The following CD109 variants were observed in gnomAD, a reference collection of about 807,000 sequenced individuals.
CD109 encodes the protein CD109 molecule.
CD109 carries 149 observed loss-of-function variants against 165.8 expected under a neutral mutation model. The observed-to-expected ratio is 0.90, with a 90% CI of 0.79 to 1.03. CD109 has a LOEUF of 1.03. Ranked by LOEUF, CD109 falls within the 50% of genes least tolerant of loss-of-function variation. CD109 has a pLI of 0.00. For missense variants in CD109, 1,712 were observed against 1,677.8 expected, an observed-to-expected ratio of 1.02 and a Z score of -0.36; for synonymous variants, 585 against 592.1, an observed-to-expected ratio of 0.99 and a Z score of 0.18.
chr6:73,759,806 G>C (rs553856990), intron 7 of CD109, among the ~76,000 whole-genome samples: 1 of 152,088 alleles, frequency 6.6e-6, no homozygotes, highest in South Asian at 2.1e-4. Context: ...GAAGACTCTT[G>C]AATGAGTGAA....
At chr6:73,758,455 G>A (rs1261968206) in intron 6 of CD109, among the ~76,000 whole-genome samples, 2 of 151,974 alleles carry the variant, frequency 1.3e-5, no homozygotes, top group Non-Finnish European at 2.9e-5. Context: ...GCATGATCTC[G>A]GGTCACTGCA....
At chr6:73,753,584 C>G (rs1020570047) in intron 5 of CD109, among the ~76,000 whole-genome samples, 4 of 152,204 alleles carry the variant, frequency 2.6e-5, no homozygotes, top group African/African-American at 9.6e-5. Flanking sequence ...AGAAAGCATA[C>G]TGTCAGCACC....
intron 5 of CD109, among the ~76,000 whole-genome samples, chr6:73,738,206 T>C (rs1355656925): frequency 6.6e-6 from 1 of 152,230 alleles, no homozygotes. Context: ...ACTGATGTTT[T>C]GGGGCCAGCT....
chr6:73,756,035 C>G (rs1287820611), intron 5 of CD109, among the ~76,000 whole-genome samples: 2 of 151,960 alleles, frequency 1.3e-5, no homozygotes, highest in Non-Finnish European at 2.9e-5. Flanking sequence ...ACGATAATAG[C>G]CCACGTTTTC....
At chr6:73,808,061 A>C in intron 25 of CD109, 22 bp from the exon 26 acceptor site, 2 of 1,608,748 alleles carry the variant, frequency 1.2e-6, no homozygotes, top group Non-Finnish European at 1.7e-6. Flanking sequence ...AATAGTAAAA[A>C]ACATACTTTT....
chr6:73,797,222 CTT>C (rs754545455), intron 23 of CD109, among the ~76,000 whole-genome samples: 12 of 152,180 alleles, frequency 7.9e-5, no homozygotes, highest in Non-Finnish European at 8.8e-5. Context: ...AATGAAGTGT[CTT>C]TGCTGTCAAA....
the CD109 span, among the ~76,000 whole-genome samples, chr6:73,687,071 C>T: frequency 3.9e-5 from 6 of 152,196 alleles, no homozygotes; most frequent in Non-Finnish European, 5.9e-5. Flanking sequence ...TCCATCATCA[C>T]AGAAAGTTCT....
At position 73,766,170 on chromosome 6, in the gene CD109, C is replaced by T. The variant is rs776006311; in HGVS notation, c.1332+16C>T. Reference sequence around the variant, plus strand: ...ACAGTTGAAGGTGCCGTCTGTTTCCCATCATTGTGTCACTGCAACAACACC... The same window carrying T: ...ACAGTTGAAGGTGCCGTCTGTTTCCTATCATTGTGTCACTGCAACAACACC... On this transcript the variant is annotated intron_variant, in intron 11 of 32. Transcript: ENST00000287097. 43 of 1,590,430 alleles carry T rather than the reference C, an allele frequency of 2.7e-5. No homozygotes were observed. The highest frequency in any genetic ancestry group is 3.5e-5 in the Non-Finnish European group (40 of 1,159,054).
intron 2 of CD109, among the ~76,000 whole-genome samples, chr6:73,709,922 G>A (rs1474446840): frequency 6.6e-6 from 1 of 152,116 alleles, no homozygotes; most frequent in East Asian, 1.9e-4. Context: ...CAATAAATTA[G>A]GTATTGATGG....
intron 19 of CD109, 120 bp downstream of exon 19, chr6:73,783,944 T>A: frequency 1.6e-6 from 1 of 608,194 alleles, no homozygotes; most frequent in Non-Finnish European, 2.9e-6. Flanking sequence ...AGAGATTCCT[T>A]GGCTTTGTCT....
intron 20 of CD109, 137 bp downstream of exon 20, chr6:73,785,614 A>G: frequency 1.8e-6 from 1 of 545,386 alleles, no homozygotes; most frequent in Non-Finnish European, 3.2e-6. Flanking sequence ...GAAAATAGAC[A>G]TGTCTTGTCA....
chr6:73,815,550 C>A (rs1775909198), intron 30 of CD109, among the ~76,000 whole-genome samples: 1 of 152,248 alleles, frequency 6.6e-6, no homozygotes, highest in Non-Finnish European at 1.5e-5. Context: ...CATGCAAATT[C>A]AATCAAGAGG....
At chr6:73,760,846 A>AAAAAT (rs1232931308) in intron 7 of CD109, among the ~76,000 whole-genome samples, 3 of 152,036 alleles carry the variant, frequency 2.0e-5, no homozygotes, top group African/African-American at 7.2e-5. Context: ...CTCTGTCTCA[A>AAAAAT]AAAATAAAAT....
Position 73,771,084 on chromosome 6 carries a change from C to T in CD109, c.1675-345C>T, listed in dbSNP as rs73460323. Among the ~76,000 whole-genome samples, 947 of 152,326 alleles carry T rather than the reference C, an allele frequency of 6.2e-3. 15 individuals carry two copies. The highest frequency in any genetic ancestry group is 0.021 in the African/African-American group (883 of 41,574). On this transcript the variant is annotated intron_variant, in intron 14 of 32. Coordinates refer to ENST00000287097, the MANE Select transcript of CD109 (RefSeq NM_133493.5). ...GCAGTTTCTTTCCTCTTTCGTGTTT[C>T]TCCTTTGTATACTGGCCTTCCCCAG...
chr6:73,760,909 G>T (rs1773595573), intron 7 of CD109, among the ~76,000 whole-genome samples: 1 of 151,808 alleles, frequency 6.6e-6, no homozygotes, highest in Admixed American at 6.6e-5. Context: ...CAGCTACTCA[G>T]GAGGCTGAGG....
chr6:73,708,923 G>A (rs1328792687), intron 2 of CD109, among the ~76,000 whole-genome samples: 1 of 152,070 alleles, frequency 6.6e-6, no homozygotes, highest in African/African-American at 2.4e-5. Flanking sequence ...TGAGTAGGTT[G>A]CAAAAATGTT....
At chr6:73,802,206 C>T (rs1304718771) in intron 23 of CD109, among the ~76,000 whole-genome samples, 3 of 148,418 alleles carry the variant, frequency 2.0e-5, no homozygotes, top group Non-Finnish European at 3.0e-5. Flanking sequence ...TAACCCCCTA[C>T]CTAATTTACT....
chr6:73,733,329 A>G, intron 4 of CD109, among the ~76,000 whole-genome samples: 1 of 152,160 alleles, frequency 6.6e-6, no homozygotes, highest in East Asian at 1.9e-4. Flanking sequence ...CCCAGCTAGA[A>G]ATGGCTGCAG....
At chr6:73,803,102 T>C in intron 23 of CD109, 118 bp from the exon 24 acceptor site, 1 of 698,276 alleles carries the variant, frequency 1.4e-6, no homozygotes, top group Non-Finnish European at 2.5e-6. Context: ...TAGCTCTTGG[T>C]TTGATTTCTT....
Sources: gnomAD v4.1 joint callset for allele counts (sites outside exome capture counted in the v4.1 genomes callset) on GRCh38, gnomAD v4.1.1 for gene constraint, MANE v1.5 for transcripts, NCBI Gene and HGNC (gene_info 2026-07-23, HGNC 2026-07-21) for gene names.